Variants in NUP205 observed in about 807,000 individuals in gnomAD.
NUP205 encodes the protein nucleoporin 205.
A neutral mutation model predicts 253.8 loss-of-function variants in NUP205; 76 were observed. The observed-to-expected ratio is 0.30, with a 90% CI of 0.25 to 0.36. NUP205 has a LOEUF of 0.36. NUP205 is among the 10% of genes least tolerant of loss of function. NUP205 has a pLI of 1.00. For missense variants in NUP205, 2,162 were observed against 2,425.5 expected (o/e 0.89, Z 2.28); for synonymous variants, 832 against 850.1 (o/e 0.98, Z 0.37).
intron 30 of NUP205, among the ~76,000 whole-genome samples, chr7:135,622,005 T>C (rs1427104078): frequency 2.0e-5 from 3 of 148,346 alleles, no homozygotes; most frequent in African/African-American, 7.4e-5. Flanking sequence ...GGTTTCACCA[T>C]GTTGGCCAGG....
intron 18 of NUP205, 39 bp downstream of exon 18, chr7:135,603,033 A>G (rs748023206): frequency 7.6e-6 from 11 of 1,450,540 alleles, no homozygotes; most frequent in Admixed American, 1.9e-5. Flanking sequence ...AAGTAAACAG[A>G]TAGACATTCT....
intron 15 of NUP205, among the ~76,000 whole-genome samples, chr7:135,599,769 C>G (rs992544021): frequency 6.6e-6 from 1 of 152,096 alleles, no homozygotes; most frequent in African/African-American, 2.4e-5. Flanking sequence ...AAAAAACTTT[C>G]CCTCAATTTT....
chr7:135,631,756 C>CTTTTT (rs58118999), intron 35 of NUP205, among the ~76,000 whole-genome samples: 2 of 141,278 alleles, frequency 1.4e-5, no homozygotes, highest in Non-Finnish European at 3.0e-5. Context: ...TTCTTTCTTT[C>CTTTTT]TTTTTTTTTT....
intron 12 of NUP205, among the ~76,000 whole-genome samples, chr7:135,593,794 T>C (rs1793755708): frequency 6.6e-6 from 1 of 152,176 alleles, no homozygotes; most frequent in Non-Finnish European, 1.5e-5. Flanking sequence ...AAATGTCAGT[T>C]ATTAACTATT....
chr7:135,625,489 T>A, intron 32 of NUP205, 134 bp downstream of exon 32: 2 of 688,882 alleles, frequency 2.9e-6, no homozygotes, highest in Non-Finnish European at 4.5e-6. Flanking sequence ...TAAGGAGTTT[T>A]AAACTTTGGA....
At chr7:135,594,472 C>T in intron 12 of NUP205, 75 bp from the exon 13 acceptor site, 3 of 1,154,942 alleles carry the variant, frequency 2.6e-6, no homozygotes, top group Non-Finnish European at 3.7e-6. Flanking sequence ...TAAATGATAG[C>T]AATTTAGATG....
chr7:135,605,975 G>A (rs956088101), intron 19 of NUP205, among the ~76,000 whole-genome samples, 170 bp from the exon 20 acceptor site: 1 of 151,634 alleles, frequency 6.6e-6, no homozygotes, highest in African/African-American at 2.4e-5. Flanking sequence ...GCTAACTTAC[G>A]GCAACTTAAG....
chr7:135,605,833 C>A (rs576128052), intron 19 of NUP205, among the ~76,000 whole-genome samples: 3 of 147,254 alleles, frequency 2.0e-5, no homozygotes, highest in African/African-American at 7.5e-5. Flanking sequence ...ATGAAGAGGT[C>A]AGTAAACAGC....
At chr7:135,616,121 A>C in intron 24 of NUP205, 56 bp downstream of exon 24, 1 of 1,500,232 alleles carries the variant, frequency 6.7e-7, no homozygotes, top group South Asian at 1.2e-5. Flanking sequence ...GAAGACAAGC[A>C]CAAATCTGAA....
chr7:135,637,028 A>G (rs977124914), intron 36 of NUP205, among the ~76,000 whole-genome samples: 1 of 152,186 alleles, frequency 6.6e-6, no homozygotes, highest in African/African-American at 2.4e-5. Context: ...ATAAAATAAT[A>G]AGACAGTGTG....
In NUP205 at chr7:135,578,675, T is replaced by C. The variant is rs576792422; in HGVS notation, c.878-76T>C. The C allele has an allele frequency of 1.7e-4, 181 of 1,074,522 alleles. 3 individuals carry two copies. The South Asian group carries it at 3.0e-3, about 18-fold the overall frequency. The allele number at this position is 1,074,522 out of a possible 1,614,324, so 66.6% of individuals were successfully genotyped here. On this transcript the variant is annotated intron_variant, in intron 6 of 42. Transcript: ENST00000285968. ...TGAGAATGCTCAGATTTTCTGACTT[T>C]TGGATATTATTCCTGTGTATCAGAA...
At chr7:135,643,165 A>G in intron 38 of NUP205, 27 bp from the exon 39 acceptor site, 1 of 1,594,000 alleles carries the variant, frequency 6.3e-7, no homozygotes, top group Admixed American at 1.7e-5. Context: ...TAAGTGGAAC[A>G]TTGTTTTATG....
chr7:135,574,554 G>A (rs1317195011), intron 3 of NUP205, among the ~76,000 whole-genome samples: 5 of 152,118 alleles, frequency 3.3e-5, no homozygotes, highest in African/African-American at 1.2e-4. Flanking sequence ...GAATAAAGGC[G>A]TGTTTAAGGA....
At chr7:135,595,284 T>G (rs10245652) in intron 13 of NUP205, among the ~76,000 whole-genome samples, 62,447 of 151,706 alleles carry the variant, frequency 0.41, 13,783 homozygotes, top group Middle Eastern at 0.58. Flanking sequence ...AGTACAGTTG[T>G]GTGATCTCAG....
intron 7 of NUP205, among the ~76,000 whole-genome samples, chr7:135,583,096 A>G (rs1806353012): frequency 1.3e-5 from 2 of 152,120 alleles, no homozygotes; most frequent in Non-Finnish European, 2.9e-5. Flanking sequence ...TCTCGAAATA[A>G]ATAATAAATA....
At chr7:135,595,650 C>T (rs893751882) in intron 13 of NUP205, among the ~76,000 whole-genome samples, 1 of 151,910 alleles carries the variant, frequency 6.6e-6, no homozygotes, top group African/African-American at 2.4e-5. Flanking sequence ...ACTTCTGTAC[C>T]CTGAGGGAAT....
intron 13 of NUP205, 196 bp from the exon 14 acceptor site, chr7:135,597,171 GA>G (rs1318005208): frequency 4.1e-6 from 2 of 490,250 alleles, no homozygotes; most frequent in East Asian, 6.1e-5. Flanking sequence ...CAGAACCCCA[GA>G]CAGTCAAAAG....
chr7:135,586,161 C>G (rs1380026587), intron 8 of NUP205, among the ~76,000 whole-genome samples: 1 of 152,006 alleles, frequency 6.6e-6, no homozygotes, highest in Non-Finnish European at 1.5e-5. Flanking sequence ...AAGGTCTACA[C>G]TTGTAATATA....
At chr7:135,571,296 A>AT in intron 2 of NUP205, 49 bp downstream of exon 2, 1 of 1,199,668 alleles carries the variant, frequency 8.3e-7, no homozygotes, top group Non-Finnish European at 1.1e-6. Flanking sequence ...TTTTTTTAAG[A>AT]TCGAGGAAGG....
Sources: allele counts gnomAD v4.1 joint callset (sites outside exome capture counted in the v4.1 genomes callset), GRCh38; gene constraint gnomAD v4.1.1; transcripts MANE v1.5; gene names NCBI Gene and HGNC (gene_info 2026-07-23, HGNC 2026-07-21).